HK1: variants seen among roughly 807,000 people sequenced by gnomAD.
The protein encoded by HK1 is hexokinase-1.
A neutral mutation model predicts 91.6 loss-of-function variants in HK1; 28 were observed. The ratio of observed to expected loss-of-function variants is 0.31; its 90% confidence interval spans 0.23 to 0.42. The LOEUF is 0.42. Ranked by LOEUF, HK1 falls within the 10% of genes least tolerant of loss-of-function variation. The probability of loss-of-function intolerance (pLI) is 1.00; values close to 1 mark genes in which losing one functional copy is unlikely to be tolerated. For missense variants in HK1, 770 were observed against 1,219.8 expected, an observed-to-expected ratio of 0.63 and a Z score of 5.49; for synonymous variants, 430 against 468.1, an observed-to-expected ratio of 0.92 and a Z score of 1.05.
chr10:69,271,545 C>T (rs905425725), intron 1 of HK1, among the ~76,000 whole-genome samples: 5 of 149,188 alleles, frequency 3.4e-5, no homozygotes, highest in East Asian at 2.0e-4. Context: ...GGCGCAATCT[C>T]GGCTCACCAC....
At chr10:69,340,352 C>T (rs7088597) in intron 1 of HK1, among the ~76,000 whole-genome samples, 3,352 of 152,262 alleles carry the variant, frequency 0.022, 130 homozygotes, top group African/African-American at 0.077. Flanking sequence ...TGGGTTCACG[C>T]GATTCTCATA....
At position 69,318,857 on chromosome 10, in the gene HK1, C is replaced by A. The variant is rs114396666; in HGVS notation, c.-91C>A. 3,307 of 1,494,944 alleles carry A rather than the reference C, an allele frequency of 2.2e-3. 61 individuals are homozygous for A. In the African/African-American group the frequency reaches 0.04, roughly 18 times the overall value. The allele number at this position is 1,494,944 out of a possible 1,614,324, so 92.6% of individuals were successfully genotyped here. ...CCGGGGGAGGAGGAGGAGGAGGAGCCGCCGAGCAGCCGCCGGAGGACCACG... is the reference window on the plus strand; with the variant it reads ...CCGGGGGAGGAGGAGGAGGAGGAGCAGCCGAGCAGCCGCCGGAGGACCACG... On this transcript the variant is annotated 5_prime_UTR_variant, in exon 1 of 18. Coordinates refer to ENST00000359426, the MANE Select transcript of HK1 (RefSeq NM_000188.3).
chr10:69,294,018 C>T (rs1188837693), intron 3 of HK1, among the ~76,000 whole-genome samples: 23 of 151,772 alleles, frequency 1.5e-4, no homozygotes, highest in Admixed American at 4.6e-4. Context: ...CCCACCACCA[C>T]GCCCGGCTGA....
At chr10:69,306,263 C>G (rs1846098373) in intron 5 of HK1, among the ~76,000 whole-genome samples, 1 of 151,732 alleles carries the variant, frequency 6.6e-6, no homozygotes, top group Admixed American at 6.6e-5. Flanking sequence ...GAGGCTGAGG[C>G]AGGAGAATGG....
intron 3 of HK1, among the ~76,000 whole-genome samples, chr10:69,291,638 A>G (rs1056827552): frequency 2.6e-5 from 4 of 152,112 alleles, no homozygotes; most frequent in African/African-American, 9.7e-5. Context: ...CTTTCTACCC[A>G]CCATCAAGCT....
At chr10:69,356,087 T>C (rs1227703036) in intron 2 of HK1, among the ~76,000 whole-genome samples, 1 of 152,318 alleles carries the variant, frequency 6.6e-6, no homozygotes, top group East Asian at 1.9e-4. Flanking sequence ...GAGTCTTAGC[T>C]ACAACTCCAA....
At chr10:69,358,567 T>TA (rs1849251304) in intron 2 of HK1, among the ~76,000 whole-genome samples, 1 of 152,078 alleles carries the variant, frequency 6.6e-6, no homozygotes, top group Non-Finnish European at 1.5e-5. Flanking sequence ...TATTCAGTCT[T>TA]AAAAAGGAAT....
At chr10:69,272,010 C>T (rs751792063) in intron 1 of HK1, among the ~76,000 whole-genome samples, 3 of 152,212 alleles carry the variant, frequency 2.0e-5, no homozygotes, top group East Asian at 1.9e-4. Flanking sequence ...ATTACAGGCA[C>T]CTGCCACCAT....
intron 7 of HK1, among the ~76,000 whole-genome samples, chr10:69,371,576 C>T (rs1850008374): frequency 6.6e-6 from 1 of 152,226 alleles, no homozygotes; most frequent in Admixed American, 6.5e-5. Context: ...CTATCAGTCA[C>T]TTAATGAGAA....
At chr10:69,313,389 C>T (rs562627561), upstream of HK1, among the ~76,000 whole-genome samples, 1 of 152,308 alleles carries the variant, frequency 6.6e-6, no homozygotes, top group Non-Finnish European at 1.5e-5. Context: ...ACCACGTTGC[C>T]ACAGGATCAA....
Position 69,290,775 on chromosome 10 carries a change from C to T in HK1, c.-115+2005C>T, listed in dbSNP as rs76558454. ...TCAGCCTCTCAAAGTGCTGTGATTA[C>T]AGGCGTGAACCTCTGTGCTCAGCCC... On this transcript the variant is annotated intron_variant, in intron 3 of 21. Transcript: ENST00000360289. 2.3e-3 allele frequency among the ~76,000 whole-genome samples: 349 copies of T among 152,314 alleles called. 2 individuals are homozygous for T. Among genetic ancestry groups the T allele is most frequent in the African/African-American group, 8.1e-3 (335 of 41,578 alleles).
At chr10:69,384,627 T>C (rs1839544952) in intron 11 of HK1, 146 bp downstream of exon 11, 1 of 1,410,334 alleles carries the variant, frequency 7.1e-7, no homozygotes, top group Admixed American at 1.7e-5. Context: ...TTGCCATGCC[T>C]GGCTTGTGAC....
Position 69,368,639 on chromosome 10 carries a change from C to A in HK1, c.591+8C>A, listed in dbSNP as rs374467365. On this transcript the variant is annotated splice_region_variant and intron_variant, in intron 5 of 17. Coordinates refer to ENST00000359426, the MANE Select transcript of HK1 (RefSeq NM_000188.3). ...GCCATCAAAAAGCGAGGGGTAATTT[C>A]TCCTGGGCCCTCTGCCTCAGCCATG... 1.9e-6 allele frequency: 3 copies of A among 1,604,024 alleles called. No homozygotes were observed. The African/African-American group carries it at 4.0e-5, about 21-fold the overall frequency.
At chr10:69,313,317 C>G (rs751467295), upstream of HK1, among the ~76,000 whole-genome samples, 1 of 152,172 alleles carries the variant, frequency 6.6e-6, no homozygotes, top group Non-Finnish European at 1.5e-5. Flanking sequence ...GGGGCGGTGG[C>G]TGCTCAGCTC....
chr10:69,350,085 T>G (rs1848769244), intron 2 of HK1, among the ~76,000 whole-genome samples: 1 of 152,162 alleles, frequency 6.6e-6, no homozygotes, highest in African/African-American at 2.4e-5. Context: ...CAGCGATCTC[T>G]GTGCAAAGAG....
intron 14 of HK1, among the ~76,000 whole-genome samples, chr10:69,390,711 A>G (rs1472652152): frequency 2.0e-5 from 3 of 152,094 alleles, no homozygotes; most frequent in African/African-American, 4.8e-5. Flanking sequence ...CCCACCCTGG[A>G]TGGGTGGATG....
Position 69,386,435 on chromosome 10 carries a change from TG to T in HK1, c.1935+18del, listed in dbSNP as rs771567996. ...AGGAGAGAGGTAACTATTAAAAGAA[TG>T]TTTTTTAAAATCTTTACTGTTTTAG... On this transcript the variant is annotated intron_variant, in intron 13 of 17. Coordinates refer to ENST00000359426, the MANE Select transcript of HK1 (RefSeq NM_000188.3). 7.0e-6 allele frequency: 11 copies of T among 1,579,928 alleles called. No homozygotes were observed. The Admixed American group carries it at 1.8e-4, about 26-fold the overall frequency.
At chr10:69,296,840 C>T (rs1360981769) in intron 4 of HK1, among the ~76,000 whole-genome samples, 1 of 152,122 alleles carries the variant, frequency 6.6e-6, no homozygotes, top group East Asian at 1.9e-4. Flanking sequence ...CTGAGGAGTC[C>T]TGTGATTACA....
In HK1 at chr10:69,300,059, C is replaced by T. The variant is rs182538707; in HGVS notation, c.-66-710C>T. Reference sequence around the variant, plus strand: ...AAGCAATCCACCTGCCTCAGCCTCCCAAAGTGCTTGGATTACAGATGTGAG... The same window carrying T: ...AAGCAATCCACCTGCCTCAGCCTCCTAAAGTGCTTGGATTACAGATGTGAG... On this transcript the variant is annotated intron_variant, in intron 4 of 21. Coordinates refer to the HK1 transcript ENST00000360289. Among the ~76,000 whole-genome samples the T allele has an allele frequency of 1.4e-3, 210 of 151,814 alleles. 8 individuals carry two copies. The highest frequency in any genetic ancestry group is 4.8e-3 in the African/African-American group (198 of 41,120).
Sources: allele counts gnomAD v4.1 joint callset (sites outside exome capture counted in the v4.1 genomes callset), GRCh38; gene constraint gnomAD v4.1.1; transcripts MANE v1.5; gene names NCBI Gene and HGNC (gene_info 2026-07-23, HGNC 2026-07-21).